Variants in AUTS2 observed in about 807,000 individuals in gnomAD.
The protein encoded by AUTS2 is autism susceptibility gene 2 protein.
In AUTS2, 17 loss-of-function variants were observed where a neutral mutation model predicts 112.4. The ratio of observed to expected loss-of-function variants is 0.15; its 90% CI spans 0.10 to 0.23. The LOEUF is 0.23. Among genes scored for constraint, AUTS2 ranks in the 10% least tolerant of loss-of-function variants. The pLI, the probability that AUTS2 is intolerant of heterozygous loss-of-function variation, is 1.00. For missense variants in AUTS2, 1,510 were observed against 1,701.6 expected (o/e 0.89, Z 1.98); for synonymous variants, 751 against 702.7 (o/e 1.07, Z -1.09).
At chr7:70,244,720 A>C (rs1042827018) in intron 4 of AUTS2, among the ~76,000 whole-genome samples, 1 of 152,202 alleles carries the variant, frequency 6.6e-6, no homozygotes, top group Non-Finnish European at 1.5e-5. Context: ...AATTATGACC[A>C]TTTGGATCAT....
intron 2 of AUTS2, among the ~76,000 whole-genome samples, chr7:69,916,382 T>G (rs1210828050): frequency 6.6e-6 from 1 of 152,220 alleles, no homozygotes; most frequent in Non-Finnish European, 1.5e-5. Flanking sequence ...AATGAATACA[T>G]CTGCCCTAGT....
At chr7:70,125,344 G>C (rs930743665) in intron 3 of AUTS2, among the ~76,000 whole-genome samples, 5 of 151,196 alleles carry the variant, frequency 3.3e-5, no homozygotes, top group Non-Finnish European at 7.4e-5. Context: ...TTAGTCTAAA[G>C]ATAATTTTTC....
chr7:69,623,029 A>C (rs1021329500), intron 1 of AUTS2, among the ~76,000 whole-genome samples: 5 of 152,122 alleles, frequency 3.3e-5, no homozygotes, highest in Non-Finnish European at 7.4e-5. Context: ...CATGTTGGGT[A>C]TGGAGAATTT....
At chr7:70,611,558 A>G (rs1442826017) in intron 5 of AUTS2, among the ~76,000 whole-genome samples, 1 of 152,254 alleles carries the variant, frequency 6.6e-6, no homozygotes, top group African/African-American at 2.4e-5. Flanking sequence ...GTTGCCTGTC[A>G]CTTGCAGTCA....
chr7:70,682,126 C>T (rs919799868), intron 5 of AUTS2, among the ~76,000 whole-genome samples: 5 of 152,122 alleles, frequency 3.3e-5, no homozygotes, highest in South Asian at 2.1e-4. Flanking sequence ...ACCCATGGCC[C>T]GCGCCACCTC....
intron 4 of AUTS2, among the ~76,000 whole-genome samples, chr7:70,429,232 C>G (rs1204237691): frequency 6.6e-6 from 1 of 152,178 alleles, no homozygotes; most frequent in Non-Finnish European, 1.5e-5. Context: ...ATTGACTTGT[C>G]AGTATAATTG....
intron 4 of AUTS2, among the ~76,000 whole-genome samples, chr7:70,304,577 TC>T (rs903969736): frequency 2.6e-5 from 4 of 152,066 alleles, no homozygotes; most frequent in African/African-American, 7.2e-5. Flanking sequence ...CTTGTGAAAA[TC>T]CTGTGAATAC....
At chr7:70,086,574 A>G (rs1803613690) in intron 2 of AUTS2, among the ~76,000 whole-genome samples, 1 of 144,504 alleles carries the variant, frequency 6.9e-6, no homozygotes, top group Non-Finnish European at 1.5e-5. Context: ...CTGGGAAACG[A>G]TGGTTGCAGT....
At position 70,477,759 on chromosome 7, in the gene AUTS2, G is replaced by T. The variant is rs77292969; in HGVS notation, c.690+41978G>T. ...GAGAGTTTTGTGATTGTCAAATGATGTGATTAAAAGGCCTCCAAGCTTGAT... is the reference window on the plus strand; with the variant it reads ...GAGAGTTTTGTGATTGTCAAATGATTTGATTAAAAGGCCTCCAAGCTTGAT... On this transcript the variant is annotated intron_variant, in intron 5 of 18. Coordinates refer to ENST00000342771, the MANE Select transcript of AUTS2 (RefSeq NM_015570.4). Among the ~76,000 whole-genome samples the T allele has an allele frequency of 1.2e-3, 176 of 152,310 alleles. 5 individuals are homozygous for T. In the East Asian group the frequency reaches 0.031, roughly 27 times the overall value.
At chr7:70,073,479 C>A (rs1329291171) in intron 2 of AUTS2, among the ~76,000 whole-genome samples, 16 of 149,782 alleles carry the variant, frequency 1.1e-4, no homozygotes, top group Admixed American at 1.1e-3. Context: ...CCACTGCACT[C>A]CAGCCTGGGT....
At chr7:70,046,972 C>T (rs1289259956) in intron 2 of AUTS2, among the ~76,000 whole-genome samples, 1 of 152,094 alleles carries the variant, frequency 6.6e-6, no homozygotes, top group Non-Finnish European at 1.5e-5. Flanking sequence ...AACCTGAGAA[C>T]CAGTTGGTTT....
At chr7:70,616,362 C>G (rs1804365370) in intron 5 of AUTS2, among the ~76,000 whole-genome samples, 1 of 152,162 alleles carries the variant, frequency 6.6e-6, no homozygotes, top group Non-Finnish European at 1.5e-5. Flanking sequence ...CGTGGAGGCT[C>G]CAGGATCTAA....
intron 1 of AUTS2, among the ~76,000 whole-genome samples, chr7:69,894,199 T>G (rs2129539655): frequency 6.6e-6 from 1 of 152,080 alleles, no homozygotes; most frequent in Admixed American, 6.6e-5. Flanking sequence ...CTCCCTGGCT[T>G]TCTTGCCTTC....
At chr7:70,473,511 A>G (rs1797467941) in intron 5 of AUTS2, among the ~76,000 whole-genome samples, 1 of 152,074 alleles carries the variant, frequency 6.6e-6, no homozygotes, top group South Asian at 2.1e-4. Flanking sequence ...ATGAGGTGAT[A>G]TTTCGTTTTG....
intron 1 of AUTS2, among the ~76,000 whole-genome samples, chr7:69,602,938 G>A (rs1288051361): frequency 6.6e-6 from 1 of 152,168 alleles, no homozygotes; most frequent in African/African-American, 2.4e-5. Context: ...TATTCAGTCT[G>A]GAAGATTTAT....
At chr7:69,978,707 G>A (rs1363436609) in intron 2 of AUTS2, among the ~76,000 whole-genome samples, 1 of 152,014 alleles carries the variant, frequency 6.6e-6, no homozygotes, top group African/African-American at 2.4e-5. Context: ...TTAGCTGGGT[G>A]TAGTGGTATG....
chr7:69,716,208 C>CTGTGTGTCTGTGTGTGTGTGTTTGTGTG (rs1257858673), intron 1 of AUTS2, among the ~76,000 whole-genome samples: 3 of 151,812 alleles, frequency 2.0e-5, no homozygotes, highest in Non-Finnish European at 2.9e-5. Flanking sequence ...TTCAGATACT[C>CTGTGTGTCTGTGTGTGTGTGTTTGTGTG]TGTGTGTCTG....
intron 5 of AUTS2, among the ~76,000 whole-genome samples, chr7:70,466,897 T>C (rs1281378435): frequency 6.6e-6 from 1 of 152,108 alleles, no homozygotes; most frequent in East Asian, 1.9e-4. Flanking sequence ...AGAGTGAAGA[T>C]CAGCAGTGAG....
intron 1 of AUTS2, among the ~76,000 whole-genome samples, chr7:69,709,850 T>TAA (rs1396175279): frequency 5.9e-5 from 9 of 152,172 alleles, no homozygotes; most frequent in African/African-American, 2.2e-4. Flanking sequence ...TGAGCAGTGT[T>TAA]TATTTAACAG....
Sources: allele counts gnomAD v4.1 joint callset (sites outside exome capture counted in the v4.1 genomes callset), GRCh38; gene constraint gnomAD v4.1.1; transcripts MANE v1.5; gene names NCBI Gene and HGNC (gene_info 2026-07-23, HGNC 2026-07-21).